Variants in LYPD6 observed in about 807,000 individuals in gnomAD.
LYPD6 encodes the protein ly6/PLAUR domain-containing protein 6.
Under a neutral mutation model 22.7 loss-of-function variants are expected in LYPD6, and 15 were observed. The observed-to-expected ratio is 0.66, with a 90% confidence interval of 0.44 to 1.02. LYPD6 has a LOEUF of 1.02. Ranked by LOEUF, LYPD6 falls within the 50% of genes least tolerant of loss-of-function variation. The pLI, the probability that LYPD6 is intolerant of heterozygous loss-of-function variation, is 0.00. For missense variants in LYPD6, 189 were observed against 208.4 expected (o/e 0.91, Z 0.57); for synonymous variants, 72 against 77.5 (o/e 0.93, Z 0.37).
intron 1 of LYPD6, among the ~76,000 whole-genome samples, chr2:149,391,390 A>G (rs1682306379): frequency 6.6e-6 from 1 of 151,750 alleles, no homozygotes; most frequent in African/African-American, 2.4e-5. Context: ...AATGGAGAAA[A>G]CTTCTTGCCC....
rs75403544 is a variant in LYPD6, at chr2:149,376,859, T to C, written c.-72+46137T>C. On this transcript the variant is annotated intron_variant, in intron 1 of 4. Transcript: ENST00000334166. The stretch of plus-strand genomic sequence containing the variant: ...AATTTGGAATCTGGCATTTTGTAGG[T>C]GCAGTACTGACTAAATTCATTTAAT... Among the ~76,000 whole-genome samples the C allele has an allele frequency of 3.6e-3, 548 of 152,358 alleles. 6 individuals are homozygous for C. Among genetic ancestry groups the C allele is most frequent in the African/African-American group, 0.013 (531 of 41,590 alleles).
chr2:149,354,298 C>G (rs916589106), intron 1 of LYPD6, among the ~76,000 whole-genome samples: 2 of 152,154 alleles, frequency 1.3e-5, no homozygotes, highest in Non-Finnish European at 2.9e-5. Context: ...ACTTCTGTCT[C>G]CTGAGTTGAA....
intron 1 of LYPD6, among the ~76,000 whole-genome samples, chr2:149,345,744 A>G (rs1248964622): frequency 2.6e-5 from 4 of 152,086 alleles, no homozygotes; most frequent in African/African-American, 4.8e-5. Flanking sequence ...TGTTGTGTGC[A>G]TTTGATTATG....
At chr2:149,335,035 A>G (rs753148670) in intron 1 of LYPD6, among the ~76,000 whole-genome samples, 28 of 152,190 alleles carry the variant, frequency 1.8e-4, no homozygotes, top group African/African-American at 6.8e-4. Flanking sequence ...ACAATTATGT[A>G]CAGTACATAC....
intron 1 of LYPD6, among the ~76,000 whole-genome samples, chr2:149,350,764 T>G (rs968787503): frequency 6.6e-6 from 1 of 152,224 alleles, no homozygotes; most frequent in Non-Finnish European, 1.5e-5. Context: ...GTGTCTCCTG[T>G]GCACTTGTTT....
intron 1 of LYPD6, among the ~76,000 whole-genome samples, chr2:149,362,512 A>G (rs1303789924): frequency 1.3e-5 from 2 of 152,194 alleles, no homozygotes; most frequent in East Asian, 3.9e-4. Context: ...GATTCTGCCC[A>G]TGACTGTCTT....
At chr2:149,479,797 A>G in the LYPD6 span, among the ~76,000 whole-genome samples, 2 of 152,166 alleles carry the variant, frequency 1.3e-5, no homozygotes, top group Middle Eastern at 3.4e-3. Flanking sequence ...TCCATTTTTC[A>G]TAGCTAGAAG....
chr2:149,455,228 C>T (rs1484627315), intron 3 of LYPD6, among the ~76,000 whole-genome samples: 1 of 148,952 alleles, frequency 6.7e-6, no homozygotes, highest in Non-Finnish European at 1.5e-5. Context: ...TTATAATTCT[C>T]GGAATTAGTC....
chr2:149,390,511 T>A (rs1682284681), intron 1 of LYPD6, among the ~76,000 whole-genome samples: 1 of 152,220 alleles, frequency 6.6e-6, no homozygotes, highest in African/African-American at 2.4e-5. Flanking sequence ...ATTTCAACCT[T>A]GCTTAGTGGC....
At chr2:149,463,921 A>G (rs1306612765) in intron 3 of LYPD6, among the ~76,000 whole-genome samples, 1 of 152,076 alleles carries the variant, frequency 6.6e-6, no homozygotes, top group Non-Finnish European at 1.5e-5. Context: ...AACATGAGGG[A>G]TCCTTATGGC....
At chr2:149,428,258 T>G (rs1000450135) in intron 1 of LYPD6, among the ~76,000 whole-genome samples, 9 of 152,238 alleles carry the variant, frequency 5.9e-5, no homozygotes, top group Non-Finnish European at 1.0e-4. Context: ...TTTGGAGGAC[T>G]CTTTTGGAGC....
At chr2:149,433,958 C>A (rs1305534531) in intron 1 of LYPD6, among the ~76,000 whole-genome samples, 1 of 152,088 alleles carries the variant, frequency 6.6e-6, no homozygotes. Flanking sequence ...AGACATCTCC[C>A]ACCATTTCTT....
At chr2:149,409,608 G>T (rs1381448949) in intron 1 of LYPD6, among the ~76,000 whole-genome samples, 2 of 152,246 alleles carry the variant, frequency 1.3e-5, no homozygotes, top group East Asian at 1.9e-4. Context: ...GCATCTCTTT[G>T]GGTGGGGCTT....
chr2:149,386,007 C>T (rs977119016), intron 1 of LYPD6, among the ~76,000 whole-genome samples: 1 of 152,054 alleles, frequency 6.6e-6, no homozygotes, highest in Non-Finnish European at 1.5e-5. Context: ...AGAATCCCCC[C>T]CCAAGACCTG....
chr2:149,368,396 G>T (rs913778515), intron 1 of LYPD6, among the ~76,000 whole-genome samples: 2 of 152,144 alleles, frequency 1.3e-5, no homozygotes, highest in South Asian at 2.1e-4. Flanking sequence ...CTGGAGCTGG[G>T]TGTGGTGATG....
At chr2:149,367,509 C>T (rs888547500) in intron 1 of LYPD6, among the ~76,000 whole-genome samples, 7 of 152,286 alleles carry the variant, frequency 4.6e-5, no homozygotes, top group South Asian at 2.1e-4. Flanking sequence ...ATTACACAAG[C>T]GCATTAACAC....
At chr2:149,413,613 G>A (rs1228669536) in intron 1 of LYPD6, among the ~76,000 whole-genome samples, 2 of 152,120 alleles carry the variant, frequency 1.3e-5, no homozygotes, top group African/African-American at 2.4e-5. Flanking sequence ...CCTGGCATTA[G>A]CACTTCCCCT....
At chr2:149,385,513 C>T (rs1682163316) in intron 1 of LYPD6, among the ~76,000 whole-genome samples, 1 of 152,156 alleles carries the variant, frequency 6.6e-6, no homozygotes, top group Non-Finnish European at 1.5e-5. Flanking sequence ...GACTTTTTTG[C>T]TAAAATTCAG....
chr2:149,417,669 A>G (rs1559144760), intron 1 of LYPD6, among the ~76,000 whole-genome samples: 1 of 152,170 alleles, frequency 6.6e-6, no homozygotes, highest in Non-Finnish European at 1.5e-5. Context: ...GTTCCCAAGG[A>G]CTATACCACT....
Sources: gnomAD v4.1 joint callset for allele counts (sites outside exome capture counted in the v4.1 genomes callset) on GRCh38, gnomAD v4.1.1 for gene constraint, MANE v1.5 for transcripts, NCBI Gene and HGNC (gene_info 2026-07-23, HGNC 2026-07-21) for gene names.